ZNF384: variants seen among roughly 807,000 people sequenced by gnomAD.
ZNF384 encodes the protein CAG repeat protein 1.
In ZNF384, 20 loss-of-function variants were observed where a neutral mutation model predicts 65.0. The ratio of observed to expected loss-of-function variants is 0.31; its 90% CI spans 0.22 to 0.45. ZNF384 has a LOEUF of 0.45. Ranked by LOEUF, ZNF384 falls within the 20% of genes least tolerant of loss-of-function variation. ZNF384 has a pLI of 1.00. For synonymous variants in ZNF384, 310 were observed against 303.9 expected, an observed-to-expected ratio of 1.02 and a Z score of -0.21; for missense variants, 549 against 769.4, an observed-to-expected ratio of 0.71 and a Z score of 3.39.
chr12:6,689,426 C>A, upstream of ZNF384: 1 of 152,484 alleles, frequency 6.6e-6, no homozygotes, highest in Non-Finnish European at 1.5e-5. Flanking sequence ...CGCCCCCCTC[C>A]CTCCCCCCAA....
rs1950004495 is a variant in ZNF384 at position 6,667,373 on chromosome 12, G to C, written c.*341C>G. On this transcript the variant is annotated 3_prime_UTR_variant, in exon 12 of 12. Transcript: ENST00000683879. ...AGCCCAAACTTTGAGGATAAGGAGG[G>C]TAAGGATAGGGTAAGTGGCCACACT... The C allele has an allele frequency of 2.2e-6, 1 of 463,506 alleles. No homozygotes were observed. The highest frequency in any genetic ancestry group is 1.9e-5 in the African/African-American group (1 of 51,762). 28.7% of individuals were successfully genotyped at this position (463,506 alleles called of 1,614,324 possible).
Position 6,678,456 on chromosome 12 carries a change from C to T in ZNF384, c.357G>A (p.Pro119=), listed in dbSNP as rs7964510. 0.092 allele frequency: 146,021 copies of T among 1,578,988 alleles called. 7,215 individuals are homozygous for T. The highest frequency in any genetic ancestry group is 0.1 in the Non-Finnish European group (119,417 of 1,161,330). ...CTGAGGGGGACGTGATTACCAAACCCGGACCTAGGATTGGGAGAAAAAGGA... is the reference window on the plus strand; with the variant it reads ...CTGAGGGGGACGTGATTACCAAACCTGGACCTAGGATTGGGAGAAAAAGGA... ...WRREGSQSRG[P]GLVITSPSGS... is the part of the protein sequence containing the mutation. The change falls in exon 6 of 12, where the codon CCG becomes CCA. Residue 119 remains proline (P), a synonymous_variant. Transcript: ENST00000683879. The surrounding 1 kb of genome is among the most constrained non-coding windows in gnomAD (Gnocchi z 4.9).
Position 6,667,227 on chromosome 12 carries a change from A to C in ZNF384, c.*487T>G, listed in dbSNP as rs987665201. Reference sequence around the variant, plus strand: ...CGATGTAGGGGAAGAAATGGCTCTCAGGGACTGAGGCATTTGAGAAACCTC... The same window carrying C: ...CGATGTAGGGGAAGAAATGGCTCTCCGGGACTGAGGCATTTGAGAAACCTC... On this transcript the variant is annotated 3_prime_UTR_variant, in exon 12 of 12. Transcript: ENST00000683879. 3.4e-6 allele frequency: 1 copy of C among 291,370 alleles called. No individual in the cohort carries two copies. Among genetic ancestry groups the C allele is most frequent in the Non-Finnish European group, 6.6e-6 (1 of 152,062 alleles). 18.0% of individuals were successfully genotyped at this position (291,370 alleles called of 1,614,324 possible). A position where few individuals can be genotyped will look rare whatever the true frequency, so the allele number is the denominator to read the frequency against.
intron 9 of ZNF384, 38 bp from the exon 10 acceptor site, chr12:6,670,876 C>T (rs768950441): frequency 5.7e-6 from 9 of 1,592,592 alleles, no homozygotes; most frequent in South Asian, 4.4e-5. Flanking sequence ...AGAATGTCAG[C>T]AAGACCATTT....
At chr12:6,674,920 T>G (rs1952927729) in intron 7 of ZNF384, among the ~76,000 whole-genome samples, 1 of 152,246 alleles carries the variant, frequency 6.6e-6, no homozygotes, top group Admixed American at 6.5e-5. Flanking sequence ...AGTTAGAAGC[T>G]GGACACATTG....
At chr12:6,675,597 G>C (rs1299030920) in intron 7 of ZNF384, among the ~76,000 whole-genome samples, 2 of 152,158 alleles carry the variant, frequency 1.3e-5, no homozygotes, top group Non-Finnish European at 2.9e-5. Flanking sequence ...TTGGAGAGTC[G>C]TGGCAGTCAG....
intron 10 of ZNF384, among the ~76,000 whole-genome samples, chr12:6,669,526 C>A (rs967955182): frequency 9.3e-5 from 14 of 149,916 alleles, no homozygotes; most frequent in Non-Finnish European, 1.9e-4. Context: ...CAGATGAAGT[C>A]TCTCACTCTG....
At chr12:6,688,484 A>G (rs1958771451) in intron 1 of ZNF384, 1 of 152,326 alleles carries the variant, frequency 6.6e-6, no homozygotes, top group Non-Finnish European at 1.5e-5. Flanking sequence ...AGGCTCAGAG[A>G]CTGGTCCTTG....
At chr12:6,686,096 G>A (rs1957819725) in intron 2 of ZNF384, among the ~76,000 whole-genome samples, 1 of 152,150 alleles carries the variant, frequency 6.6e-6, no homozygotes, top group African/African-American at 2.4e-5. Flanking sequence ...CTCTTTCCCA[G>A]AACCCACTAA....
At chr12:6,670,301 G>C (rs1361479829) in intron 10 of ZNF384, among the ~76,000 whole-genome samples, 1 of 152,012 alleles carries the variant, frequency 6.6e-6, no homozygotes, top group Admixed American at 6.6e-5. Flanking sequence ...GATGGTGCAT[G>C]CCTAGAATCC....
intron 2 of ZNF384, among the ~76,000 whole-genome samples, chr12:6,683,530 T>G (rs1414505011): frequency 1.3e-5 from 2 of 150,300 alleles, no homozygotes; most frequent in African/African-American, 4.9e-5. Context: ...ATACAAAAAT[T>G]AGCAAGGTGT....
At chr12:6,676,300 CA>C (rs759042910) in intron 7 of ZNF384, among the ~76,000 whole-genome samples, 90 of 141,590 alleles carry the variant, frequency 6.4e-4, no homozygotes, top group East Asian at 2.2e-3. Context: ...GACTCCGTCT[CA>C]AAAAAAAAAA....
rs1433925669 is a variant in ZNF384 at position 6,679,091 on chromosome 12, C to T, written c.159G>A (p.Leu53=). Reference sequence around the variant, plus strand: ...GCAGGGACACTGAGGCAGGCACTGTCAGCAAGGTGGGGTAGTGAGGTGGGG... The same window carrying T: ...GCAGGGACACTGAGGCAGGCACTGTTAGCAAGGTGGGGTAGTGAGGTGGGG... ...GLAPPHYPTL[L]TVPASVSLPS... is the part of the protein sequence containing the mutation. The change falls in exon 4 of 12, where the codon CTG becomes CTA. Residue 53 remains leucine (L), a synonymous_variant. Transcript: ENST00000683879. 3 of 1,613,906 alleles carry T rather than the reference C, an allele frequency of 1.9e-6. No homozygotes were observed. In the African/African-American group the frequency reaches 4.0e-5, roughly 22 times the overall value.
At chr12:6,670,897 T>G in intron 9 of ZNF384, 59 bp from the exon 10 acceptor site, 1 of 1,501,728 alleles carries the variant, frequency 6.7e-7, no homozygotes, top group Non-Finnish European at 9.3e-7. Flanking sequence ...AGGAACTGGC[T>G]CAACAAATCT....
Position 6,685,713 on chromosome 12 carries a change from G to A in ZNF384, c.-6+2454C>T, listed in dbSNP as rs114967504. 7.6e-3 allele frequency among the ~76,000 whole-genome samples: 1,122 copies of A among 147,358 alleles called. 15 individuals are homozygous for A. The highest frequency in any genetic ancestry group is 0.025 in the Middle Eastern group (7 of 282). ...CCTGAACCTGGGAGGTGGAGTGGAG[G>A]TTGCAGTGAAAGGAGATCAGACCAC... On this transcript the variant is annotated intron_variant, in intron 2 of 11. Transcript: ENST00000683879.
chr12:6,681,226 A>AAAAC (rs1955836275), intron 2 of ZNF384, among the ~76,000 whole-genome samples: 1 of 152,088 alleles, frequency 6.6e-6, no homozygotes. Flanking sequence ...AAAAAAAAAA[A>AAAAC]AAACTTTCTG....
At position 6,672,614 on chromosome 12, in the gene ZNF384, G is replaced by A. The variant is rs968285144; in HGVS notation, c.1005-82C>T. ...TCAGCTCTCTGCTGGGTGAAATGACGTTGCTTGACGGATGAGAGCACCCCC... is the reference window on the plus strand; with the variant it reads ...TCAGCTCTCTGCTGGGTGAAATGACATTGCTTGACGGATGAGAGCACCCCC... On this transcript the variant is annotated intron_variant, in intron 8 of 11. Coordinates refer to ENST00000683879, the MANE Select transcript of ZNF384 (RefSeq NM_001385745.1). The surrounding 1 kb of genome is among the most constrained non-coding windows in gnomAD (Gnocchi z 4.4). The A allele has an allele frequency of 2.1e-5, 30 of 1,404,480 alleles. No individual in the cohort carries two copies. In the South Asian group the frequency reaches 3.5e-4, roughly 16 times the overall value. 87.0% of individuals were successfully genotyped at this position (1,404,480 alleles called of 1,614,324 possible).
chr12:6,667,842 T>C lies in ZNF384; in HGVS notation c.1699A>G (p.Ser567Gly), dbSNP rs776617340. Residue 567 changes from serine (S) to glycine (G), a missense_variant, in exon 12 of 12, where the codon AGC becomes GGC. Physicochemically the swap from Ser to Gly is moderately conservative, Grantham distance 56 (BLOSUM62 0). Transcript: ENST00000683879. ...CACTGGGGTGGAGGGTTGGGATTGC[T>C]GTCCCCACCACCCCCACCCTGGGGG... The part of the protein sequence containing the change: ...AAPQGGGGGD[S>G]NPNPPPQCSF... 2.5e-6 allele frequency: 4 copies of C among 1,614,210 alleles called. No homozygotes were observed. In the Admixed American group the frequency reaches 5.0e-5, roughly 20 times the overall value.
At chr12:6,679,277 G>A (rs1954959438) in intron 3 of ZNF384, 94 bp from the exon 4 acceptor site, 3 of 1,304,254 alleles carry the variant, frequency 2.3e-6, no homozygotes, top group Non-Finnish European at 3.2e-6. Flanking sequence ...GTCCTCCTTA[G>A]GGATCAAGGA....
Sources: allele counts gnomAD v4.1 joint callset (sites outside exome capture counted in the v4.1 genomes callset), GRCh38; gene constraint gnomAD v4.1.1; non-coding constraint Gnocchi (gnomAD v3.1); transcripts MANE v1.5; gene names NCBI Gene and HGNC (gene_info 2026-07-23, HGNC 2026-07-21).